Variants in CAMKMT observed in about 807,000 individuals in gnomAD.
CAMKMT encodes calmodulin-lysine N-methyltransferase, also known as CaM KMT.
A neutral mutation model predicts 48.0 loss-of-function variants in CAMKMT; 53 were observed. That is an observed-to-expected ratio of 1.10 (90% confidence interval 0.89 to 1.39). CAMKMT has a LOEUF of 1.39. CAMKMT is among the 40% of genes most tolerant of loss of function. The pLI, the probability that CAMKMT is intolerant of heterozygous loss-of-function variation, is 0.00. For synonymous variants in CAMKMT, 165 were observed against 152.3 expected, an observed-to-expected ratio of 1.08 and a Z score of -0.61; for missense variants, 428 against 402.7, an observed-to-expected ratio of 1.06 and a Z score of -0.54.
intron 3 of CAMKMT, among the ~76,000 whole-genome samples, chr2:44,492,889 C>CTTTTTTTTTTTTTTTT: frequency 7.0e-6 from 1 of 142,858 alleles, no homozygotes; most frequent in Non-Finnish European, 1.5e-5. Flanking sequence ...CATATTGTAT[C>CTTTTTTTTTTTTTTTT]TTTTTTTTTT....
At chr2:44,419,424 G>T (rs962478804) in intron 3 of CAMKMT, among the ~76,000 whole-genome samples, 1 of 152,192 alleles carries the variant, frequency 6.6e-6, no homozygotes, top group African/African-American at 2.4e-5. Context: ...GAACTCAGCA[G>T]TTCTAGTGGT....
intron 2 of CAMKMT, among the ~76,000 whole-genome samples, chr2:44,381,490 C>T (rs1680235111): frequency 6.6e-6 from 1 of 152,084 alleles, no homozygotes; most frequent in Non-Finnish European, 1.5e-5. Flanking sequence ...CTTAAGTAAA[C>T]AATCAGAAAT....
chr2:44,466,115 T>G (rs1011754405), intron 3 of CAMKMT, among the ~76,000 whole-genome samples: 5 of 152,198 alleles, frequency 3.3e-5, no homozygotes, highest in African/African-American at 1.2e-4. Context: ...TCATAAGGGA[T>G]AGATCAACTA....
intron 3 of CAMKMT, among the ~76,000 whole-genome samples, chr2:44,452,458 C>A (rs1386193267): frequency 6.6e-6 from 1 of 151,958 alleles, no homozygotes; most frequent in East Asian, 1.9e-4. Flanking sequence ...ATTATTGAAT[C>A]ATAGAAATAA....
At chr2:44,628,687 C>G (rs187914913) in intron 3 of CAMKMT, among the ~76,000 whole-genome samples, 2 of 151,874 alleles carry the variant, frequency 1.3e-5, no homozygotes, top group African/African-American at 4.8e-5. Context: ...ACCCTGTAAG[C>G]CCTACTCTTC....
At chr2:44,501,528 C>T (rs1262416698) in intron 3 of CAMKMT, among the ~76,000 whole-genome samples, 1 of 152,152 alleles carries the variant, frequency 6.6e-6, no homozygotes, top group Non-Finnish European at 1.5e-5. Context: ...TTGCCTATCT[C>T]CTATCTCCTA....
At chr2:44,691,220 G>T (rs1435726910) in intron 3 of CAMKMT, among the ~76,000 whole-genome samples, 4 of 152,156 alleles carry the variant, frequency 2.6e-5, no homozygotes, top group Non-Finnish European at 5.9e-5. Context: ...TGACCGCCGT[G>T]CATTTCTTTT....
intron 6 of CAMKMT, among the ~76,000 whole-genome samples, chr2:44,711,363 G>A (rs1371827009): frequency 2.6e-5 from 4 of 152,110 alleles, no homozygotes. Flanking sequence ...TATCCTTGTG[G>A]GGCACAGATT....
rs1472098313 is a variant in CAMKMT at position 44,671,831 on chromosome 2, C to T, written c.377-32452C>T. ...TGTATTTTCATGATTTTTTGAAAAC[C>T]GATTCTCAACCACATTTCTCCAAGA... On this transcript the variant is annotated intron_variant, in intron 3 of 10. Transcript: ENST00000378494. Among the ~76,000 whole-genome samples the T allele has an allele frequency of 3.9e-5, 6 of 152,090 alleles. No homozygotes were observed. In the East Asian group the frequency reaches 1.2e-3, roughly 29 times the overall value.
intron 6 of CAMKMT, among the ~76,000 whole-genome samples, chr2:44,710,192 T>C (rs1677806459): frequency 6.6e-6 from 1 of 152,104 alleles, no homozygotes; most frequent in South Asian, 2.1e-4. Flanking sequence ...ATGAATGGAT[T>C]GGTTCTGAAT....
At chr2:44,603,949 A>T (rs1671142409) in intron 3 of CAMKMT, among the ~76,000 whole-genome samples, 1 of 152,186 alleles carries the variant, frequency 6.6e-6, no homozygotes, top group African/African-American at 2.4e-5. Context: ...CACTAATAAG[A>T]TGGTCAAACT....
chr2:44,429,697 A>C, intron 3 of CAMKMT, among the ~76,000 whole-genome samples: 1 of 146,898 alleles, frequency 6.8e-6, no homozygotes, highest in East Asian at 2.1e-4. Context: ...GCTACTCGGG[A>C]GGCTGAGGCA....
chr2:44,667,916 C>T (rs574501988), intron 3 of CAMKMT, among the ~76,000 whole-genome samples: 1 of 152,292 alleles, frequency 6.6e-6, no homozygotes, highest in East Asian at 1.9e-4. Context: ...GTTCCATGCC[C>T]ATGACTAGGT....
chr2:44,656,347 AT>A (rs1221052941), intron 3 of CAMKMT, among the ~76,000 whole-genome samples: 1 of 151,926 alleles, frequency 6.6e-6, no homozygotes, highest in East Asian at 1.9e-4. Flanking sequence ...CTCAAAAGGA[AT>A]TTTTTTCTTT....
chr2:44,614,206 G>A (rs990888631), intron 3 of CAMKMT, among the ~76,000 whole-genome samples: 1 of 152,242 alleles, frequency 6.6e-6, no homozygotes, highest in Admixed American at 6.5e-5. Context: ...TTTGGGCAAA[G>A]AGGATAGCAT....
chr2:44,541,063 T>C (rs2341459), intron 3 of CAMKMT, among the ~76,000 whole-genome samples: 106,690 of 152,010 alleles, frequency 0.7, 37,999 homozygotes, highest in Middle Eastern at 0.77. Context: ...TTCTATTCTA[T>C]TGGTCAGTCT....
chr2:44,392,813 GAA>G (rs1448397650), intron 3 of CAMKMT, among the ~76,000 whole-genome samples: 1 of 151,986 alleles, frequency 6.6e-6, no homozygotes, highest in Non-Finnish European at 1.5e-5. Flanking sequence ...GATAGAGAGT[GAA>G]AGTTCCATAC....
intron 3 of CAMKMT, among the ~76,000 whole-genome samples, chr2:44,422,040 C>T (rs1286522996): frequency 1.3e-5 from 2 of 152,296 alleles, no homozygotes; most frequent in Admixed American, 1.3e-4. Context: ...ATATATGTCC[C>T]TGTCAAATCT....
At chr2:44,575,738 T>C (rs1020358501) in intron 3 of CAMKMT, among the ~76,000 whole-genome samples, 3 of 151,710 alleles carry the variant, frequency 2.0e-5, no homozygotes, top group Admixed American at 2.0e-4. Flanking sequence ...TTGGCATTAG[T>C]ACCAGCTATT....
Sources: gnomAD v4.1 joint callset for allele counts (sites outside exome capture counted in the v4.1 genomes callset) on GRCh38, gnomAD v4.1.1 for gene constraint, MANE v1.5 for transcripts, NCBI Gene and HGNC (gene_info 2026-07-23, HGNC 2026-07-21) for gene names.